The following GLI2 variants were observed in gnomAD, a reference collection of about 807,000 sequenced individuals.
GLI2 encodes the protein transcription activator GLI2.
A neutral mutation model predicts 78.9 loss-of-function variants in GLI2; 22 were observed. The ratio of observed to expected loss-of-function variants is 0.28; its 90% CI spans 0.20 to 0.40. The LOEUF (loss-of-function observed/expected upper bound fraction) is 0.40, where lower values mean the gene tolerates loss of function less well. Ranked by LOEUF, GLI2 falls within the 10% of genes least tolerant of loss-of-function variation. The probability of loss-of-function intolerance (pLI) is 1.00; values close to 1 mark genes in which losing one functional copy is unlikely to be tolerated. For synonymous variants in GLI2, 974 were observed against 963.7 expected (o/e 1.01, Z -0.20); for missense variants, 2,097 against 2,213.2 (o/e 0.95, Z 1.05).
At chr2:120,861,646 G>A (rs779578885) in intron 2 of GLI2, among the ~76,000 whole-genome samples, 1 of 152,214 alleles carries the variant, frequency 6.6e-6, no homozygotes. Context: ...AACCCTCCAC[G>A]GCCCGTGGCA....
chr2:120,894,701 CTTTT>C (rs35695421), intron 2 of GLI2, among the ~76,000 whole-genome samples: 1 of 136,994 alleles, frequency 7.3e-6, no homozygotes, highest in Non-Finnish European at 1.6e-5. Flanking sequence ...TCTTTTCTTT[CTTTT>C]TTTTTTTTTT....
At chr2:120,845,296 G>A (rs1016494731) in intron 2 of GLI2, among the ~76,000 whole-genome samples, 4 of 152,022 alleles carry the variant, frequency 2.6e-5, no homozygotes, top group Admixed American at 2.6e-4. Context: ...AAAAATGAAG[G>A]AGAAAGAGAT....
At position 120,746,703 on chromosome 2, in the gene GLI2, C is replaced by T. The variant is rs141809415; in HGVS notation, c.-31+10418C>T. ...AAAAAAGCCGCAAAACATTATTTGC[C>T]CCCCAAGATCTTAAAACTAAGACAT... On this transcript the variant is annotated intron_variant, in intron 1 of 13. Transcript: ENST00000361492. 2.1e-3 allele frequency among the ~76,000 whole-genome samples: 313 copies of T among 152,130 alleles called. 3 individuals are homozygous for T. The highest frequency in any genetic ancestry group is 6.1e-3 in the African/African-American group (253 of 41,474).
intron 2 of GLI2, among the ~76,000 whole-genome samples, chr2:120,832,270 C>G (rs1164871407): frequency 6.6e-6 from 1 of 152,232 alleles, no homozygotes; most frequent in Non-Finnish European, 1.5e-5. Context: ...GGGTCAATGA[C>G]TTGAAAATGA....
At chr2:120,875,695 G>A (rs1406696630) in intron 2 of GLI2, among the ~76,000 whole-genome samples, 2 of 152,040 alleles carry the variant, frequency 1.3e-5, no homozygotes, top group African/African-American at 2.4e-5. Flanking sequence ...GGTCAGGCAC[G>A]ATCTAAACCC....
rs375152781 is a variant in GLI2 at position 120,769,529 on chromosome 2, A to G, written c.-30-27762A>G. 5.9e-5 allele frequency among the ~76,000 whole-genome samples: 9 copies of G among 152,306 alleles called. No homozygotes were observed. In the South Asian group the frequency reaches 1.4e-3, roughly 25 times the overall value. Reference sequence around the variant, plus strand: ...GCTCCCAGCTACTGGGGAGTTGTCCATGCTCACCCTAGGTGACAATGAGGG... The same window carrying G: ...GCTCCCAGCTACTGGGGAGTTGTCCGTGCTCACCCTAGGTGACAATGAGGG... On this transcript the variant is annotated intron_variant, in intron 1 of 13. Transcript: ENST00000361492.
chr2:120,923,861 T>TAC (rs746911617), intron 2 of GLI2, among the ~76,000 whole-genome samples: 84 of 150,860 alleles, frequency 5.6e-4, no homozygotes, highest in African/African-American at 1.1e-3. Context: ...CACACGTACA[T>TAC]ACACACACAC....
intron 2 of GLI2, among the ~76,000 whole-genome samples, chr2:120,923,855 C>T (rs568818602): frequency 1.1e-4 from 17 of 152,204 alleles, no homozygotes; most frequent in Non-Finnish European, 1.5e-4. Flanking sequence ...CTCACACACA[C>T]GTACATACAC....
At chr2:120,757,684 A>G (rs1683073919) in intron 1 of GLI2, among the ~76,000 whole-genome samples, 1 of 152,168 alleles carries the variant, frequency 6.6e-6, no homozygotes, top group Non-Finnish European at 1.5e-5. Context: ...GTGTTCTGCC[A>G]TGCAAAACCC....
chr2:120,809,476 C>T (rs1685127375), intron 2 of GLI2, among the ~76,000 whole-genome samples: 1 of 152,116 alleles, frequency 6.6e-6, no homozygotes, highest in African/African-American at 2.4e-5. Context: ...GTACTAAAAA[C>T]CACTGAATTG....
intron 2 of GLI2, among the ~76,000 whole-genome samples, chr2:120,888,205 G>A (rs557905023): frequency 1.4e-4 from 21 of 152,234 alleles, no homozygotes; most frequent in Non-Finnish European, 2.1e-4. Flanking sequence ...TGTTTTGCCC[G>A]CTGGGGCAAG....
Position 120,927,484 on chromosome 2 carries a change from C to T in GLI2, c.254+18C>T. On this transcript the variant is annotated intron_variant, in intron 3 of 13. Transcript: ENST00000361492. ...GTGCACGGGTAAGTCCTGCCCTCTGCCTGCTGCTCCTGGCGTGCAGTCACC... is the reference window on the plus strand; with the variant it reads ...GTGCACGGGTAAGTCCTGCCCTCTGTCTGCTGCTCCTGGCGTGCAGTCACC... 1.3e-6 allele frequency: 2 copies of T among 1,532,140 alleles called. No homozygotes were observed. Among genetic ancestry groups the T allele is most frequent in the East Asian group, 2.2e-5 (1 of 44,466 alleles). The allele number at this position is 1,532,140 out of a possible 1,614,324, so 94.9% of individuals were successfully genotyped here.
At chr2:120,834,460 A>G (rs969676715) in intron 2 of GLI2, among the ~76,000 whole-genome samples, 1 of 152,124 alleles carries the variant, frequency 6.6e-6, no homozygotes, top group Non-Finnish European at 1.5e-5. Flanking sequence ...CAGAGTGTAG[A>G]GCCAGGTAGG....
chr2:120,785,551 C>T (rs992444058), intron 1 of GLI2, among the ~76,000 whole-genome samples: 3 of 152,106 alleles, frequency 2.0e-5, no homozygotes, highest in African/African-American at 4.8e-5. Flanking sequence ...CACACCAGCC[C>T]GGTTCTCCCT....
intron 2 of GLI2, among the ~76,000 whole-genome samples, chr2:120,903,958 A>G (rs1332600511): frequency 1.3e-5 from 2 of 152,096 alleles, no homozygotes; most frequent in African/African-American, 4.8e-5. Flanking sequence ...GCTTTCAGGA[A>G]GGGGAGATTG....
At chr2:120,982,996 C>T (rs2105065273) in intron 11 of GLI2, 116 bp downstream of exon 11, 1 of 919,070 alleles carries the variant, frequency 1.1e-6, no homozygotes, top group Non-Finnish European at 1.7e-6. Context: ...GCCCCCGCCA[C>T]TGACCAGCTA....
At chr2:120,918,311 A>T (rs1024624969) in intron 2 of GLI2, among the ~76,000 whole-genome samples, 1 of 152,168 alleles carries the variant, frequency 6.6e-6, no homozygotes. Flanking sequence ...AATGTCCCTT[A>T]TACTGGGAAT....
chr2:120,941,880 TCAGTGACCATGAAATC>T (rs1253666623), intron 3 of GLI2, among the ~76,000 whole-genome samples: 2 of 151,662 alleles, frequency 1.3e-5, no homozygotes, highest in African/African-American at 4.9e-5. Flanking sequence ...CTATGGGGAG[TCAGTGACCATGAAATC>T]CAGGCGGCAG....
chr2:120,869,205 G>A (rs1185560624), intron 2 of GLI2, among the ~76,000 whole-genome samples: 2 of 152,166 alleles, frequency 1.3e-5, no homozygotes, highest in East Asian at 3.9e-4. Context: ...AGCAACCTGG[G>A]GCACACTTCC....
Sources: gnomAD v4.1 joint callset for allele counts (sites outside exome capture counted in the v4.1 genomes callset) on GRCh38, gnomAD v4.1.1 for gene constraint, MANE v1.5 for transcripts, NCBI Gene and HGNC (gene_info 2026-07-23, HGNC 2026-07-21) for gene names.